AGPS: variants seen among roughly 807,000 people sequenced by gnomAD.
AGPS encodes the protein alkyldihydroxyacetonephosphate synthase, peroxisomal.
Under a neutral mutation model 90.7 loss-of-function variants are expected in AGPS, and 26 were observed. The observed-to-expected ratio is 0.29, with a 90% CI of 0.21 to 0.40. The LOEUF (loss-of-function observed/expected upper bound fraction) is 0.40, where lower values mean the gene tolerates loss of function less well. AGPS is among the 10% of genes least tolerant of loss of function. The pLI is 1.00. For missense variants in AGPS, 540 were observed against 816.1 expected (o/e 0.66, Z 4.12); for synonymous variants, 294 against 285.3 (o/e 1.03, Z -0.31).
chr2:177,443,685 A>G (rs1686681376), intron 7 of AGPS, among the ~76,000 whole-genome samples: 1 of 152,200 alleles, frequency 6.6e-6, no homozygotes, highest in African/African-American at 2.4e-5. Context: ...GATGGTGAAC[A>G]CTTTATTTTA....
At chr2:177,466,945 A>AGCCACAGCTGGGCT (rs1283020137) in intron 9 of AGPS, among the ~76,000 whole-genome samples, 1 of 152,108 alleles carries the variant, frequency 6.6e-6, no homozygotes, top group African/African-American at 2.4e-5. Flanking sequence ...CTGGATCCAG[A>AGCCACAGCTGGGCT]GCCACAGCTG....
intron 11 of AGPS, among the ~76,000 whole-genome samples, chr2:177,489,712 G>A (rs929860739): frequency 4.2e-4 from 64 of 152,188 alleles, no homozygotes; most frequent in Non-Finnish European, 1.5e-4. Flanking sequence ...GTACAAGTTC[G>A]ATGATTTGAG....
At chr2:177,485,996 T>C (rs1468281868) in intron 11 of AGPS, among the ~76,000 whole-genome samples, 1 of 152,222 alleles carries the variant, frequency 6.6e-6, no homozygotes, top group Non-Finnish European at 1.5e-5. Context: ...AGTGCTACCA[T>C]GTGGTTAAAA....
At chr2:177,448,154 C>T (rs1382784144) in intron 8 of AGPS, among the ~76,000 whole-genome samples, 1 of 151,978 alleles carries the variant, frequency 6.6e-6, no homozygotes, top group Non-Finnish European at 1.5e-5. Context: ...TAGCTATTAG[C>T]TCTCACTGCA....
At chr2:177,466,721 G>A (rs566019158) in intron 9 of AGPS, among the ~76,000 whole-genome samples, 1 of 152,298 alleles carries the variant, frequency 6.6e-6, no homozygotes, top group Non-Finnish European at 1.5e-5. Context: ...ACGCAGGCTC[G>A]GCCTCAACTT....
chr2:177,513,380 A>G (rs889007211), intron 16 of AGPS, among the ~76,000 whole-genome samples: 1 of 152,202 alleles, frequency 6.6e-6, no homozygotes, highest in Non-Finnish European at 1.5e-5. Flanking sequence ...GGTGTGAGCC[A>G]TGCACCCAGC....
chr2:177,477,347 C>A (rs1687810763), intron 10 of AGPS, among the ~76,000 whole-genome samples: 1 of 151,966 alleles, frequency 6.6e-6, no homozygotes, highest in South Asian at 2.1e-4. Flanking sequence ...ATGTTACAAA[C>A]CAACAATACA....
chr2:177,500,566 A>G (rs545576845), intron 14 of AGPS, among the ~76,000 whole-genome samples: 2 of 151,850 alleles, frequency 1.3e-5, no homozygotes, highest in South Asian at 4.2e-4. Flanking sequence ...TTTTTTTCAT[A>G]TCTAATATTA....
Position 177,441,629 on chromosome 2 carries a change from A to G in AGPS, c.709+593A>G, listed in dbSNP as rs368964786. On this transcript the variant is annotated intron_variant, in intron 6 of 19. Transcript: ENST00000264167. ...TTTGTAAAATTACGCTGAACCTTAC[A>G]GATTAACACCCCCTGTACTTCTTGT... Among the ~76,000 whole-genome samples the G allele has an allele frequency of 1.3e-4, 20 of 152,334 alleles. No homozygotes were observed. In the East Asian group the frequency reaches 3.5e-3, roughly 26 times the overall value.
chr2:177,429,909 G>A (rs1024659430), intron 2 of AGPS, among the ~76,000 whole-genome samples: 8 of 152,198 alleles, frequency 5.3e-5, no homozygotes, highest in African/African-American at 1.9e-4. Flanking sequence ...CAACTGAACT[G>A]CAGAGACATC....
intron 2 of AGPS, among the ~76,000 whole-genome samples, chr2:177,426,202 T>C (rs796472402): frequency 6.6e-6 from 1 of 152,198 alleles, no homozygotes; most frequent in Non-Finnish European, 1.5e-5. Context: ...TTGCCTGTTG[T>C]TGGTGTATAG....
At chr2:177,393,479 C>G in intron 1 of AGPS, 1 of 985,326 alleles carries the variant, frequency 1.0e-6, no homozygotes, top group Non-Finnish European at 1.2e-6. Context: ...TTCGCGAAAG[C>G]CTGCTGTGGG....
At chr2:177,533,286 A>G (rs2079154062) in intron 19 of AGPS, among the ~76,000 whole-genome samples, 1 of 152,248 alleles carries the variant, frequency 6.6e-6, no homozygotes, top group African/African-American at 2.4e-5. Flanking sequence ...TTAACTGAAC[A>G]TTAAACTATT....
chr2:177,533,131 AATTTGT>A (rs2079152572), intron 19 of AGPS, among the ~76,000 whole-genome samples: 2 of 152,104 alleles, frequency 1.3e-5, no homozygotes. Context: ...TAAGATAGAA[AATTTGT>A]TTTGCCTTTT....
chr2:177,515,727 T>G (rs1689006268), intron 17 of AGPS, among the ~76,000 whole-genome samples: 1 of 152,196 alleles, frequency 6.6e-6, no homozygotes, highest in Non-Finnish European at 1.5e-5. Context: ...TATGTCATTT[T>G]TATTAAATAG....
intron 2 of AGPS, among the ~76,000 whole-genome samples, chr2:177,433,628 A>G (rs962759584): frequency 2.0e-5 from 3 of 152,112 alleles, no homozygotes; most frequent in Non-Finnish European, 4.4e-5. Context: ...ATTGTACATG[A>G]TATGATGTAG....
intron 1 of AGPS, among the ~76,000 whole-genome samples, chr2:177,398,800 T>C (rs552189398): frequency 5.9e-5 from 9 of 152,326 alleles, no homozygotes; most frequent in African/African-American, 1.9e-4. Flanking sequence ...AGTTTACTTT[T>C]GTGAGTGCAT....
intron 18 of AGPS, among the ~76,000 whole-genome samples, chr2:177,522,921 A>ATATTATATAT (rs1184102779): frequency 1.3e-5 from 2 of 152,186 alleles, no homozygotes; most frequent in African/African-American, 2.4e-5. Context: ...ATATTCACGA[A>ATATTATATAT]TCATTAGGAA....
rs2079201742 is a variant in AGPS at position 177,538,275 on chromosome 2, C to T, written c.*80C>T. The T allele has an allele frequency of 1.4e-6, 2 of 1,380,364 alleles. No individual in the cohort carries two copies. Among genetic ancestry groups the T allele is most frequent in the African/African-American group, 2.9e-5 (2 of 69,588 alleles). 85.5% of individuals were successfully genotyped at this position (1,380,364 alleles called of 1,614,324 possible). On this transcript the variant is annotated 3_prime_UTR_variant, in exon 20 of 20. Coordinates refer to ENST00000264167, the MANE Select transcript of AGPS (RefSeq NM_003659.4). ...TGGTTATACTAGTAATCAAATATAT[C>T]ATGGACTATATTTTGGATACATTTG...
Sources: allele counts gnomAD v4.1 joint callset (sites outside exome capture counted in the v4.1 genomes callset), GRCh38; gene constraint gnomAD v4.1.1; transcripts MANE v1.5; gene names NCBI Gene and HGNC (gene_info 2026-07-23, HGNC 2026-07-21).